Variants in CLDN10 observed in about 807,000 individuals in gnomAD.
The protein encoded by CLDN10 is claudin-10.
CLDN10 carries 15 observed loss-of-function variants against 22.9 expected under a neutral mutation model. The observed-to-expected ratio is 0.65, with a 90% CI of 0.44 to 1.01. The LOEUF (loss-of-function observed/expected upper bound fraction) is 1.01, where lower values mean the gene tolerates loss of function less well. CLDN10 is among the 50% of genes least tolerant of loss of function. CLDN10 has a pLI of 0.00. For synonymous variants in CLDN10, 114 were observed against 111.4 expected, an observed-to-expected ratio of 1.02 and a Z score of -0.15; for missense variants, 247 against 287.8, an observed-to-expected ratio of 0.86 and a Z score of 1.03.
At chr13:95,477,078 T>C (rs895466074) in intron 1 of CLDN10, among the ~76,000 whole-genome samples, 1 of 152,142 alleles carries the variant, frequency 6.6e-6, no homozygotes, top group Non-Finnish European at 1.5e-5. Context: ...TATTCAGCTT[T>C]GGTGAGGCCA....
intron 1 of CLDN10, among the ~76,000 whole-genome samples, chr13:95,530,384 G>A (rs1026945583): frequency 2.2e-4 from 34 of 152,152 alleles, no homozygotes; most frequent in Admixed American, 2.0e-3. Flanking sequence ...GGTTGTAAGC[G>A]GTTGGGCAAC....
chr13:95,500,521 C>T (rs1311374595), intron 1 of CLDN10, among the ~76,000 whole-genome samples: 1 of 152,068 alleles, frequency 6.6e-6, no homozygotes, highest in African/African-American at 2.4e-5. Context: ...TGGGAGAGGC[C>T]AGTTTATGCA....
At chr13:95,496,612 C>T (rs2042932516) in intron 1 of CLDN10, among the ~76,000 whole-genome samples, 1 of 152,216 alleles carries the variant, frequency 6.6e-6, no homozygotes, top group Admixed American at 6.5e-5. Context: ...GGAGAGGGCA[C>T]TCCTCCTGGC....
chr13:95,476,656 C>A (rs1475711780), intron 1 of CLDN10, among the ~76,000 whole-genome samples: 1 of 152,066 alleles, frequency 6.6e-6, no homozygotes, highest in Non-Finnish European at 1.5e-5. Flanking sequence ...GTGTGAAGGG[C>A]AAGGCTGGAA....
At chr13:95,576,526 A>C (rs1242169509) in intron 3 of CLDN10, among the ~76,000 whole-genome samples, 1 of 152,184 alleles carries the variant, frequency 6.6e-6, no homozygotes, top group Non-Finnish European at 1.5e-5. Context: ...GGGTGAATAT[A>C]TCTCCCCTGA....
chr13:95,501,842 A>G (rs117074856), intron 1 of CLDN10, among the ~76,000 whole-genome samples: 2 of 152,158 alleles, frequency 1.3e-5, no homozygotes, highest in East Asian at 3.9e-4. Flanking sequence ...GGGGGTTTCT[A>G]TTTGTTCCAG....
intron 1 of CLDN10, among the ~76,000 whole-genome samples, chr13:95,536,414 A>G (rs1594595686): frequency 6.6e-6 from 1 of 152,134 alleles, no homozygotes; most frequent in East Asian, 1.9e-4. Flanking sequence ...ACGCCACTGC[A>G]CTCCAGCCCA....
intron 3 of CLDN10, among the ~76,000 whole-genome samples, chr13:95,562,152 G>A (rs1369358912): frequency 1.3e-5 from 2 of 151,164 alleles, no homozygotes; most frequent in South Asian, 2.1e-4. Flanking sequence ...GGCTGGTCTC[G>A]AACTCCTGAC....
At position 95,552,721 on chromosome 13, in the gene CLDN10, A is replaced by G; in HGVS notation, c.-33A>G. The stretch of plus-strand genomic sequence containing the variant: ...TGCGGGGGTCGCGGCGCAGAGTGGG[A>G]GCCGGAGAGCGAGCGCGGCTGCAGC... On this transcript the variant is annotated 5_prime_UTR_variant, in exon 1 of 5. Coordinates refer to ENST00000299339, the MANE Select transcript of CLDN10 (RefSeq NM_006984.5). 6.3e-7 allele frequency: 1 copy of G among 1,589,546 alleles called. No individual in the cohort carries two copies. Among genetic ancestry groups the G allele is most frequent in the Non-Finnish European group, 8.6e-7 (1 of 1,169,192 alleles).
intron 3 of CLDN10, among the ~76,000 whole-genome samples, chr13:95,574,493 C>T (rs985001210): frequency 3.3e-5 from 5 of 152,108 alleles, no homozygotes; most frequent in Admixed American, 1.3e-4. Context: ...AAAAGGGCCA[C>T]GTGTGGTGGT....
At chr13:95,522,103 A>G (rs1056992198) in intron 1 of CLDN10, among the ~76,000 whole-genome samples, 41 of 151,978 alleles carry the variant, frequency 2.7e-4, no homozygotes, top group Non-Finnish European at 1.2e-4. Context: ...ATGTCTTCAA[A>G]GAAACAACTT....
At chr13:95,478,442 A>G (rs60736109) in intron 1 of CLDN10, among the ~76,000 whole-genome samples, 6,643 of 152,306 alleles carry the variant, frequency 0.044, 473 homozygotes, top group African/African-American at 0.15. Context: ...ATTTAAACAT[A>G]CAGCCATGTT....
In CLDN10 at chr13:95,570,847, CAT is replaced by C. The variant is rs1335225691; in HGVS notation, c.465-6380_465-6379del. 6.5e-3 allele frequency among the ~76,000 whole-genome samples: 463 copies of C among 71,230 alleles called. 3 individuals carry two copies. Among genetic ancestry groups the C allele is most frequent in the African/African-American group, 0.019 (369 of 19,312 alleles). The allele number at this position is 71,230 out of a possible 152,430, so 46.7% of individuals were successfully genotyped here. A position where few individuals can be genotyped will look rare whatever the true frequency, so the allele number is the denominator to read the frequency against. ...ATATATATACACACACACACACACA[CAT>C]ATACGTGTGTATATATATATATATA... On this transcript the variant is annotated intron_variant, in intron 3 of 4. Coordinates refer to ENST00000299339, the MANE Select transcript of CLDN10 (RefSeq NM_006984.5).
chr13:95,465,786 G>A (rs1333060182), intron 1 of CLDN10, among the ~76,000 whole-genome samples: 4 of 152,254 alleles, frequency 2.6e-5, no homozygotes, highest in South Asian at 2.1e-4. Flanking sequence ...ATTCACCTTC[G>A]ATACTCAGAG....
chr13:95,543,566 A>G (rs1250652167), intron 1 of CLDN10, among the ~76,000 whole-genome samples: 1 of 152,152 alleles, frequency 6.6e-6, no homozygotes, highest in African/African-American at 2.4e-5. Context: ...AAAATTTCCC[A>G]AATTCATAAA....
intron 1 of CLDN10, among the ~76,000 whole-genome samples, chr13:95,441,596 C>T (rs1429782622): frequency 6.6e-6 from 1 of 152,132 alleles, no homozygotes; most frequent in Non-Finnish European, 1.5e-5. Context: ...TAGAGTATTG[C>T]TTCTTGAAAT....
chr13:95,532,828 G>C (rs896492238), intron 1 of CLDN10, among the ~76,000 whole-genome samples: 1 of 140,330 alleles, frequency 7.1e-6, no homozygotes, highest in Non-Finnish European at 1.5e-5. Context: ...GACATGAACT[G>C]CTTATATGTG....
chr13:95,458,199 T>C (rs2042500567), intron 1 of CLDN10, among the ~76,000 whole-genome samples: 1 of 152,138 alleles, frequency 6.6e-6, no homozygotes, highest in Non-Finnish European at 1.5e-5. Context: ...TTGTATCATG[T>C]CTATGACATC....
intron 3 of CLDN10, among the ~76,000 whole-genome samples, chr13:95,573,977 T>C (rs903101392): frequency 6.6e-6 from 1 of 152,088 alleles, no homozygotes; most frequent in Non-Finnish European, 1.5e-5. Context: ...GGTGTTTGGT[T>C]TTCTGTCCTT....
Sources: allele counts gnomAD v4.1 joint callset (sites outside exome capture counted in the v4.1 genomes callset), GRCh38; gene constraint gnomAD v4.1.1; transcripts MANE v1.5; gene names NCBI Gene and HGNC (gene_info 2026-07-23, HGNC 2026-07-21).